HDGFL3: variants seen among roughly 807,000 people sequenced by gnomAD.
HDGFL3 encodes HDGF like 3, also known as hepatoma-derived growth factor-related protein 3.
In HDGFL3, 6 loss-of-function variants were observed where a neutral mutation model predicts 27.6. The ratio of observed to expected loss-of-function variants is 0.22; its 90% confidence interval spans 0.12 to 0.43. HDGFL3 has a LOEUF of 0.43. Among genes scored for constraint, HDGFL3 ranks in the 20% least tolerant of loss-of-function variants. The probability of loss-of-function intolerance (pLI) is 1.00; values close to 1 mark genes in which losing one functional copy is unlikely to be tolerated. For missense variants in HDGFL3, 207 were observed against 250.1 expected, an observed-to-expected ratio of 0.83 and a Z score of 1.16; for synonymous variants, 88 against 88.9, an observed-to-expected ratio of 0.99 and a Z score of 0.05.
rs1285893969 is a variant in HDGFL3 at position 83,133,731 on chromosome 15, T to G, written c.*5539A>C. ...CCTGCCATGAGAGGCCTTGTGCTGCTGGGAACATCACCCAGGAGAAAACCT... is the reference window on the plus strand; with the variant it reads ...CCTGCCATGAGAGGCCTTGTGCTGCGGGGAACATCACCCAGGAGAAAACCT... On this transcript the variant is annotated 3_prime_UTR_variant, in exon 6 of 6. Coordinates refer to ENST00000299633, the MANE Select transcript of HDGFL3 (RefSeq NM_016073.4). The G allele has an allele frequency of 2.6e-5, 4 of 152,276 alleles. No homozygotes were observed. Among genetic ancestry groups the G allele is most frequent in the African/African-American group, 9.6e-5 (4 of 41,460 alleles). 9.4% of individuals were successfully genotyped at this position (152,276 alleles called of 1,614,324 possible).
chr15:83,163,501 A>G (rs556840579), intron 2 of HDGFL3, among the ~76,000 whole-genome samples: 2 of 152,304 alleles, frequency 1.3e-5, no homozygotes, highest in East Asian at 3.9e-4. Context: ...TATTTGAGAC[A>G]TTGTATTTTT....
chr15:83,141,134 T>C (rs1346111969), intron 5 of HDGFL3, among the ~76,000 whole-genome samples: 1 of 152,222 alleles, frequency 6.6e-6, no homozygotes, highest in East Asian at 1.9e-4. Flanking sequence ...TTCATCATGG[T>C]ATATATTCTG....
chr15:83,125,719 A>G (rs1015760845), downstream of HDGFL3, among the ~76,000 whole-genome samples: 1 of 152,236 alleles, frequency 6.6e-6, no homozygotes, highest in Admixed American at 6.5e-5. Context: ...CGCGCGTAAC[A>G]GTTGGACAGT....
intron 1 of HDGFL3, among the ~76,000 whole-genome samples, chr15:83,165,274 ACT>A (rs894819374): frequency 2.0e-5 from 3 of 152,040 alleles, no homozygotes; most frequent in African/African-American, 7.3e-5. Flanking sequence ...CTTGGGTACA[ACT>A]CTGTCACTTA....
chr15:83,188,620 C>A (rs1392335773), intron 1 of HDGFL3, among the ~76,000 whole-genome samples: 1 of 152,138 alleles, frequency 6.6e-6, no homozygotes, highest in Non-Finnish European at 1.5e-5. Context: ...TATCCATTGA[C>A]GTATTTTCTT....
chr15:83,119,373 T>G (rs995850861), intron 3 of HDGFL3, among the ~76,000 whole-genome samples: 3 of 152,236 alleles, frequency 2.0e-5, no homozygotes, highest in African/African-American at 4.8e-5. Context: ...ATTCTCTAAT[T>G]CCATCCTCTG....
intron 4 of HDGFL3, among the ~76,000 whole-genome samples, chr15:83,154,862 G>C (rs2037009570): frequency 6.6e-6 from 1 of 152,042 alleles, no homozygotes; most frequent in African/African-American, 2.4e-5. Context: ...AAAATAAAAA[G>C]CTATTCTTTT....
chr15:83,155,034 A>G (rs1052771041), intron 4 of HDGFL3, among the ~76,000 whole-genome samples: 1 of 151,802 alleles, frequency 6.6e-6, no homozygotes, highest in Non-Finnish European at 1.5e-5. Flanking sequence ...CTCCTGGCTA[A>G]TTTTATTATT....
At chr15:83,152,683 G>GAAAAAAAAAAAAAAAAAAAAAAAA in intron 4 of HDGFL3, among the ~76,000 whole-genome samples, 1 of 78,726 alleles carries the variant, frequency 1.3e-5, no homozygotes, top group African/African-American at 4.9e-5. Context: ...ACTCTGTCTC[G>GAAAAAAAAAAAAAAAAAAAAAAAA]AAAAAAAAAA....
Position 83,132,526 on chromosome 15 carries a change from A to T in HDGFL3, c.*6744T>A, listed in dbSNP as rs1360133763. ...AGATATGGAAACTTACGTGTGAATAATTTGGTTGTGAAGAGTTTACTGAAG... is the reference window on the plus strand; with the variant it reads ...AGATATGGAAACTTACGTGTGAATATTTTGGTTGTGAAGAGTTTACTGAAG... On this transcript the variant is annotated 3_prime_UTR_variant, in exon 6 of 6. Coordinates refer to ENST00000299633, the MANE Select transcript of HDGFL3 (RefSeq NM_016073.4). 1 of 151,206 alleles carries T rather than the reference A, an allele frequency of 6.6e-6. No homozygotes were observed. Among genetic ancestry groups the T allele is most frequent in the Non-Finnish European group, 1.5e-5 (1 of 67,968 alleles). 9.4% of individuals were successfully genotyped at this position (151,206 alleles called of 1,614,324 possible). A position where few individuals can be genotyped will look rare whatever the true frequency, so the allele number is the denominator to read the frequency against.
At chr15:83,186,747 G>C (rs560980828) in intron 1 of HDGFL3, among the ~76,000 whole-genome samples, 5 of 152,056 alleles carry the variant, frequency 3.3e-5, no homozygotes, top group Non-Finnish European at 4.4e-5. Flanking sequence ...AGGGTGGGAG[G>C]GGGGCGAGGG....
In HDGFL3 at chr15:83,207,280, T is replaced by C. The variant is rs756771396; in HGVS notation, c.84+51A>G. On this transcript the variant is annotated intron_variant, in intron 1 of 5. Transcript: ENST00000299633. This position sits in a 1 kb window ranked among gnomAD's most constrained non-coding sequence, Gnocchi z 4.8. ...GGGAAAGGGGGCGGGCGCGCCATCA[T>C]GAAGGGGAAAATGGTGGGCGGGCGG... is the stretch of plus-strand genomic sequence containing the variant. 8.3e-6 allele frequency: 10 copies of C among 1,211,604 alleles called. No homozygotes were observed. In the East Asian group the frequency reaches 1.6e-4, roughly 19 times the overall value. 75.1% of individuals were successfully genotyped at this position (1,211,604 alleles called of 1,614,324 possible). A position where few individuals can be genotyped will look rare whatever the true frequency, so the allele number is the denominator to read the frequency against.
At chr15:83,117,026 G>C (rs1202065757) in intron 3 of HDGFL3, among the ~76,000 whole-genome samples, 1 of 152,214 alleles carries the variant, frequency 6.6e-6, no homozygotes, top group East Asian at 1.9e-4. Context: ...CCCAGGCACA[G>C]TGAGAGACTC....
downstream of HDGFL3, chr15:83,127,372 G>A: frequency 6.2e-7 from 1 of 1,613,624 alleles, no homozygotes; most frequent in South Asian, 1.1e-5. Context: ...TGGCATATAT[G>A]TTCTATTCTG....
Position 83,119,169 on chromosome 15 carries a change from A to C in HDGFL3, c.394-3428T>G, listed in dbSNP as rs949385202. On this transcript the variant is annotated intron_variant, in intron 3 of 3. Coordinates refer to the HDGFL3 transcript ENST00000568294. Reference sequence around the variant, plus strand: ...GCAAGCCACGGGATCAGCATGAATTATTAAGGCCAGCCACTGGTTCTGGAA... The same window carrying C: ...GCAAGCCACGGGATCAGCATGAATTCTTAAGGCCAGCCACTGGTTCTGGAA... 7.9e-5 allele frequency among the ~76,000 whole-genome samples: 12 copies of C among 152,322 alleles called. No individual in the cohort carries two copies. The East Asian group carries it at 2.3e-3, about 29-fold the overall frequency.
At chr15:83,112,934 G>C (rs781500097) in exon 4 of HDGFL3, 1 of 1,478,344 alleles carries the variant, frequency 6.8e-7, no homozygotes, top group Non-Finnish European at 9.5e-7. Flanking sequence ...TTTTGTATCT[G>C]ATTAATAACA....
At chr15:83,113,559 C>T (rs2034387777) in exon 4 of HDGFL3, 1 of 152,520 alleles carries the variant, frequency 6.6e-6, no homozygotes, top group Non-Finnish European at 1.5e-5. Context: ...CCTTGCTGGG[C>T]ATTTTGTTCT....
rs2036211831 is a variant in HDGFL3 at position 83,131,132 on chromosome 15, AT to A, written c.*8137del. On this transcript the variant is annotated 3_prime_UTR_variant, in exon 6 of 6. Transcript: ENST00000299633. ...AAAACAAAACAAAACAAAAATAGGC[AT>A]TTTTCTGTAACTTTAATCAGCATCT... 6.6e-6 allele frequency: 1 copy of A among 151,950 alleles called. No homozygotes were observed. The highest frequency in any genetic ancestry group is 2.4e-5 in the African/African-American group (1 of 41,358). The allele number at this position is 151,950 out of a possible 1,614,324, so 9.4% of individuals were successfully genotyped here.
At chr15:83,143,023 C>CT (rs774809275) in intron 5 of HDGFL3, among the ~76,000 whole-genome samples, 50 of 149,528 alleles carry the variant, frequency 3.3e-4, no homozygotes, top group South Asian at 4.3e-4. Context: ...CCCTTAATAA[C>CT]TTTTTTTTTT....
Sources: gnomAD v4.1 joint callset for allele counts (sites outside exome capture counted in the v4.1 genomes callset) on GRCh38, gnomAD v4.1.1 for gene constraint, Gnocchi (gnomAD v3.1) non-coding constraint, MANE v1.5 for transcripts, NCBI Gene and HGNC (gene_info 2026-07-23, HGNC 2026-07-21) for gene names.